XPA: variants seen among roughly 807,000 people sequenced by gnomAD.
XPA encodes the protein XPA, DNA damage recognition and repair factor.
A neutral mutation model predicts 35.7 loss-of-function variants in XPA; 27 were observed. That is an observed-to-expected ratio of 0.76 (90% CI 0.56 to 1.04). XPA has a LOEUF of 1.04. Among genes scored for constraint, XPA ranks in the 50% least tolerant of loss-of-function variants. The pLI is 0.00. For synonymous variants in XPA, 133 were observed against 118.4 expected (o/e 1.12, Z -0.80); for missense variants, 354 against 342.7 (o/e 1.03, Z -0.26).
At chr9:97,685,662 T>C (rs1278766150) in intron 4 of XPA, among the ~76,000 whole-genome samples, 1 of 152,188 alleles carries the variant, frequency 6.6e-6, no homozygotes, top group Admixed American at 6.5e-5. Flanking sequence ...CCTCTCACAA[T>C]ATGTTAAAAG....
At chr9:97,661,019 C>A in the XPA span, 2 of 1,612,798 alleles carry the variant, frequency 1.2e-6, no homozygotes, top group Non-Finnish European at 1.7e-6. Flanking sequence ...ATGATGAAAT[C>A]TTCAGCATTC....
rs773851403 is a variant in XPA, at chr9:97,675,480, A to G, written c.781T>C (p.Cys261Arg). ...GTCAGTTCATGGCCACACATAGTACAAGTCTTACGGTACATGTCATCTTCT... is the reference window on the plus strand; with the variant it reads ...GTCAGTTCATGGCCACACATAGTACGAGTCTTACGGTACATGTCATCTTCT... The part of the protein sequence containing the change: ...NLEDDMYRKT[C>R]TMCGHELTYE... Residue 261 changes from cysteine (C) to arginine (R), a missense_variant, in exon 6 of 6, where the codon TGT becomes CGT. By Grantham distance (180) the Cys-to-Arg change is radical (BLOSUM62 -3). Coordinates refer to ENST00000375128, the MANE Select transcript of XPA (RefSeq NM_000380.4). 1 of 1,613,814 alleles carries G rather than the reference A, an allele frequency of 6.2e-7. No individual in the cohort carries two copies. Among genetic ancestry groups the G allele is most frequent in the East Asian group, 2.2e-5 (1 of 44,870 alleles).
chr9:97,658,586 C>T, the XPA span: 2 of 1,374,784 alleles, frequency 1.5e-6, no homozygotes, highest in African/African-American at 1.4e-5. Context: ...TCGGGTGTTA[C>T]CGAAGAATGG....
intron 5 of XPA, among the ~76,000 whole-genome samples, chr9:97,676,108 A>G (rs1014086379): frequency 2.0e-5 from 3 of 152,244 alleles, no homozygotes; most frequent in South Asian, 2.1e-4. Flanking sequence ...TGCTTGTGCA[A>G]TAAGACCTCA....
chr9:97,696,342 G>T (rs774312644), intron 1 of XPA, among the ~76,000 whole-genome samples: 3 of 152,212 alleles, frequency 2.0e-5, no homozygotes, highest in Non-Finnish European at 4.4e-5. Context: ...AAGATTATTA[G>T]TTGACCCCAG....
chr9:97,665,075 G>A, the XPA span, among the ~76,000 whole-genome samples: 2 of 152,184 alleles, frequency 1.3e-5, no homozygotes, highest in African/African-American at 4.8e-5. Flanking sequence ...CACAAAGCAG[G>A]AAACTAAAGC....
At chr9:97,673,987 A>G (rs1828274761), downstream of XPA, among the ~76,000 whole-genome samples, 1 of 152,178 alleles carries the variant, frequency 6.6e-6, no homozygotes, top group African/African-American at 2.4e-5. Flanking sequence ...GCCAGGTGCT[A>G]TAGGTTCACC....
chr9:97,692,149 G>C (rs1828913029), intron 2 of XPA, among the ~76,000 whole-genome samples: 1 of 151,348 alleles, frequency 6.6e-6, no homozygotes, highest in Non-Finnish European at 1.5e-5. Flanking sequence ...AAATTAGCTG[G>C]GCCTGGTGGT....
the XPA span, among the ~76,000 whole-genome samples, chr9:97,661,837 A>G: frequency 2.6e-5 from 4 of 151,192 alleles, no homozygotes; most frequent in Non-Finnish European, 4.4e-5. Flanking sequence ...AGACAGTCAC[A>G]TAAAACTAAG....
chr9:97,688,903 AT>A (rs2131398876), intron 3 of XPA, among the ~76,000 whole-genome samples: 1 of 152,304 alleles, frequency 6.6e-6, no homozygotes, highest in Non-Finnish European at 1.5e-5. Flanking sequence ...GCCAACTAAG[AT>A]TCCAAGATAA....
chr9:97,667,456 G>A, the XPA span, among the ~76,000 whole-genome samples: 818 of 152,254 alleles, frequency 5.4e-3, 4 homozygotes, highest in Middle Eastern at 0.02. Flanking sequence ...GGAACCTTTC[G>A]CAAGTTTGAG....
chr9:97,681,185 A>G lies in XPA; in HGVS notation c.673+3738T>C, dbSNP rs188615444. On this transcript the variant is annotated intron_variant, in intron 5 of 5. Coordinates refer to ENST00000375128, the MANE Select transcript of XPA (RefSeq NM_000380.4). Reference sequence around the variant, plus strand: ...GGTGGTCTGTATTCATGGAAACCCAATGCTGCTTCTGAGGTAAATTTAAAA... The same window carrying G: ...GGTGGTCTGTATTCATGGAAACCCAGTGCTGCTTCTGAGGTAAATTTAAAA... Among the ~76,000 whole-genome samples, 80 of 152,310 alleles carry G rather than the reference A, an allele frequency of 5.3e-4. No homozygotes were observed. The South Asian group carries it at 6.6e-3, about 13-fold the overall frequency.
chr9:97,661,075 G>A, the XPA span: 1 of 1,611,162 alleles, frequency 6.2e-7, no homozygotes. Context: ...GACGGTAAGT[G>A]GAATTCAGTA....
At chr9:97,682,711 T>C (rs1002502370) in intron 5 of XPA, among the ~76,000 whole-genome samples, 1 of 152,150 alleles carries the variant, frequency 6.6e-6, no homozygotes, top group African/African-American at 2.4e-5. Flanking sequence ...TCAGGGCAAA[T>C]TCAAACTCTT....
chr9:97,656,371 G>C, the XPA span, among the ~76,000 whole-genome samples: 4 of 152,188 alleles, frequency 2.6e-5, no homozygotes, highest in African/African-American at 9.6e-5. Context: ...CACATGATGT[G>C]AGGAGTTCAG....
At chr9:97,672,811 T>A (rs1024382622), downstream of XPA, 1 of 156,894 alleles carries the variant, frequency 6.4e-6, no homozygotes, top group Non-Finnish European at 1.4e-5. Flanking sequence ...ATGATTTTAT[T>A]TTCTTTTCTC....
In XPA at chr9:97,687,170, G is replaced by A. The variant is rs1332168699; in HGVS notation, c.481C>T (p.Pro161Ser). 1 of 1,612,470 alleles carries A rather than the reference G, an allele frequency of 6.2e-7. No homozygotes were observed. Among genetic ancestry groups the A allele is most frequent in the Non-Finnish European group, 8.5e-7 (1 of 1,179,544 alleles). ...TTCTTCTTCACAATAAATTTAAGAG[G>A]TGGCTCTCTTTTTTCTAAATCACAG... ...KDCDLEKREP[P>S]LKFIVKKNPH... The change falls in exon 4 of 6, where the codon CCT becomes TCT. Residue 161 changes from proline (P) to serine (S), a missense_variant. By Grantham distance (74) the Pro-to-Ser change is moderately conservative (BLOSUM62 -1). Coordinates refer to ENST00000375128, the MANE Select transcript of XPA (RefSeq NM_000380.4).
chr9:97,668,893 TGAG>T, the XPA span: 1 of 1,613,712 alleles, frequency 6.2e-7, no homozygotes, highest in South Asian at 1.1e-5. Flanking sequence ...ACGGGGTTCT[TGAG>T]GAACAAATAG....
intron 5 of XPA, among the ~76,000 whole-genome samples, chr9:97,677,522 T>TA (rs1828403098): frequency 1.3e-5 from 2 of 151,948 alleles, no homozygotes; most frequent in South Asian, 2.1e-4. Flanking sequence ...AATAAATAAA[T>TA]AAAAAATTAA....
Sources: gnomAD v4.1 joint callset for allele counts (sites outside exome capture counted in the v4.1 genomes callset) on GRCh38, gnomAD v4.1.1 for gene constraint, MANE v1.5 for transcripts, NCBI Gene and HGNC (gene_info 2026-07-23, HGNC 2026-07-21) for gene names.